Variants in SMIM41 observed in about 807,000 individuals in gnomAD.
The protein encoded by SMIM41 is small integral membrane protein 41.
At chr12:52,100,116 G>A (rs1258986524) in intron 2 of SMIM41, among the ~76,000 whole-genome samples, 1 of 151,880 alleles carries the variant, frequency 6.6e-6, no homozygotes, top group Non-Finnish European at 1.5e-5. Flanking sequence ...AATATCAAGC[G>A]CGGGTATACA....
chr12:52,106,102 C>T (rs1940334311), intron 2 of SMIM41, among the ~76,000 whole-genome samples: 1 of 152,194 alleles, frequency 6.6e-6, no homozygotes, highest in Admixed American at 6.5e-5. Flanking sequence ...ATCCCCTGAC[C>T]TGAAGTTCTG....
Position 52,081,129 on chromosome 12 carries a change from A to C in SMIM41, c.*120+948A>C, listed in dbSNP as rs1317859677. On this transcript the variant is annotated intron_variant, in intron 1 of 2. Coordinates refer to ENST00000546390, the MANE Select transcript of SMIM41 (RefSeq NM_001369216.1). This position sits in a 1 kb window ranked among gnomAD's most constrained non-coding sequence, Gnocchi z 4.1. ...GACAAGGTAACTACAGGCGAAAGCC[A>C]CCTGGGACAGAGCCACAGGGGCTGG... 6.6e-6 allele frequency among the ~76,000 whole-genome samples: 1 copy of C among 152,132 alleles called. No individual in the cohort carries two copies. The highest frequency in any genetic ancestry group is 1.5e-5 in the Non-Finnish European group (1 of 67,994).
chr12:52,105,518 T>C (rs1435160751), intron 2 of SMIM41, among the ~76,000 whole-genome samples: 1 of 152,186 alleles, frequency 6.6e-6, no homozygotes, highest in African/African-American at 2.4e-5. Flanking sequence ...TTTGGGAGGC[T>C]GAGGCAGGCG....
At chr12:52,086,775 G>T (rs1241505205) in intron 2 of SMIM41, among the ~76,000 whole-genome samples, 1 of 152,166 alleles carries the variant, frequency 6.6e-6, no homozygotes, top group African/African-American at 2.4e-5. Context: ...TTTTACCTCT[G>T]CTTCCTCCCG....
rs1475972816 is a variant in SMIM41 at position 52,107,723 on chromosome 12, T to C, written c.*540T>C. On this transcript the variant is annotated 3_prime_UTR_variant, in exon 3 of 3. Transcript: ENST00000546390. Reference sequence around the variant, plus strand: ...CGGTTTGTAGCCATCTGTCACCCTCTATATCATTCAGCCATCATGAACCTG... The same window carrying C: ...CGGTTTGTAGCCATCTGTCACCCTCCATATCATTCAGCCATCATGAACCTG... 1.1e-4 allele frequency: 50 copies of C among 457,558 alleles called. No homozygotes were observed. The highest frequency in any genetic ancestry group is 8.6e-4 in the South Asian group (50 of 58,300). 28.3% of individuals were successfully genotyped at this position (457,558 alleles called of 1,614,324 possible).
intron 2 of SMIM41, among the ~76,000 whole-genome samples, chr12:52,084,389 C>CA (rs34593136): frequency 1.8e-4 from 27 of 149,608 alleles, no homozygotes; most frequent in Non-Finnish European, 3.4e-4. Flanking sequence ...AAAAAACAAA[C>CA]AAAAAAAAAC....
intron 2 of SMIM41, among the ~76,000 whole-genome samples, chr12:52,088,926 TG>T (rs1860268126): frequency 6.6e-6 from 1 of 152,044 alleles, no homozygotes; most frequent in African/African-American, 2.4e-5. Context: ...TTGAGGATGC[TG>T]TGCCCACCCC....
intron 2 of SMIM41, among the ~76,000 whole-genome samples, chr12:52,086,001 C>T (rs921233815): frequency 2.6e-5 from 4 of 152,130 alleles, no homozygotes; most frequent in Non-Finnish European, 5.9e-5. Flanking sequence ...AGCCCTGATG[C>T]TGCTGGAGGT....
chr12:52,080,979 C>T (rs1939810914), intron 1 of SMIM41, among the ~76,000 whole-genome samples: 1 of 151,978 alleles, frequency 6.6e-6, no homozygotes, highest in Non-Finnish European at 1.5e-5. Context: ...AGCTGGGGGG[C>T]CTCGGGAGCG....
At chr12:52,094,981 T>C (rs1940065314) in intron 2 of SMIM41, 1 of 147,928 alleles carries the variant, frequency 6.8e-6, no homozygotes, top group Non-Finnish European at 1.5e-5. Flanking sequence ...AATCTTACTC[T>C]GTCGCCTAGG....
At chr12:52,093,971 A>T (rs893457043) in intron 2 of SMIM41, among the ~76,000 whole-genome samples, 1 of 151,808 alleles carries the variant, frequency 6.6e-6, no homozygotes, top group Non-Finnish European at 1.5e-5. Flanking sequence ...TCTCTACAAA[A>T]AATAGAAGAA....
chr12:52,079,865 C>G lies in SMIM41; in HGVS notation c.86C>G (p.Pro29Arg), dbSNP rs77130816. ...CAGTCGGCGTCGCCGCCGGAGCCCC[C>G]CGAGGGGCCGCGCGCGGTGCAGGCG... ...CNQSASPPEP[P>R]EGPRAVQAVV... Residue 29 changes from proline to arginine, a missense_variant, in exon 1 of 3, where the codon CCC becomes CGC. Physicochemically the swap from Pro to Arg is moderately radical, Grantham distance 103 (BLOSUM62 -2). Coordinates refer to ENST00000546390, the MANE Select transcript of SMIM41 (RefSeq NM_001369216.1). 0.076 allele frequency: 29,926 copies of G among 391,814 alleles called. 1,214 individuals carry two copies. The highest frequency in any genetic ancestry group is 0.092 in the African/African-American group (4,430 of 48,400). 24.3% of individuals were successfully genotyped at this position (391,814 alleles called of 1,614,324 possible). A position where few individuals can be genotyped will look rare whatever the true frequency, so the allele number is the denominator to read the frequency against.
intron 2 of SMIM41, among the ~76,000 whole-genome samples, chr12:52,103,771 TA>T: frequency 7.0e-6 from 1 of 141,906 alleles, no homozygotes; most frequent in East Asian, 2.0e-4. Flanking sequence ...AATAAATAAA[TA>T]AATAAACACG....
intron 2 of SMIM41, among the ~76,000 whole-genome samples, chr12:52,106,365 G>C (rs111583637): frequency 0.024 from 3,628 of 152,188 alleles, 146 homozygotes; most frequent in African/African-American, 0.082. Context: ...TTTTTGAGAC[G>C]GAGTTTTGCT....
At chr12:52,099,079 T>C (rs1383962003) in intron 2 of SMIM41, among the ~76,000 whole-genome samples, 2 of 151,702 alleles carry the variant, frequency 1.3e-5, no homozygotes, top group Non-Finnish European at 2.9e-5. Context: ...GGGAGTAGTA[T>C]CCTCTCTCCC....
chr12:52,083,641 T>C (rs1939849109), intron 1 of SMIM41, among the ~76,000 whole-genome samples: 2 of 152,308 alleles, frequency 1.3e-5, no homozygotes, highest in Non-Finnish European at 2.9e-5. Flanking sequence ...CCAGTCACTG[T>C]TGGGGTCTGT....
At chr12:52,089,124 C>G (rs1939941454) in intron 2 of SMIM41, among the ~76,000 whole-genome samples, 1 of 152,030 alleles carries the variant, frequency 6.6e-6, no homozygotes, top group Non-Finnish European at 1.5e-5. Context: ...TGATGTGAGA[C>G]AGATGATAAA....
At chr12:52,104,832 A>G (rs1184072725) in intron 2 of SMIM41, among the ~76,000 whole-genome samples, 2 of 152,214 alleles carry the variant, frequency 1.3e-5, no homozygotes, top group Admixed American at 1.3e-4. Context: ...ATGAGGATAA[A>G]GAGGATGATG....
intron 2 of SMIM41, among the ~76,000 whole-genome samples, chr12:52,100,280 C>T (rs1012119753): frequency 6.6e-6 from 1 of 151,958 alleles, no homozygotes; most frequent in African/African-American, 2.4e-5. Flanking sequence ...GGTGTCCACC[C>T]TCTGCGATAT....
Sources: gnomAD v4.1 joint callset for allele counts (sites outside exome capture counted in the v4.1 genomes callset) on GRCh38, gnomAD v4.1.1 for gene constraint, Gnocchi (gnomAD v3.1) non-coding constraint, MANE v1.5 for transcripts, NCBI Gene and HGNC (gene_info 2026-07-23, HGNC 2026-07-21) for gene names.